Variants in COBL observed in about 807,000 individuals in gnomAD.
COBL encodes the protein cordon-bleu WH2 repeat protein.
A neutral mutation model predicts 98.8 loss-of-function variants in COBL; 51 were observed. That is an observed-to-expected ratio of 0.52 (90% CI 0.41 to 0.65). The LOEUF (loss-of-function observed/expected upper bound fraction) is 0.65, where lower values mean the gene tolerates loss of function less well. Among genes scored for constraint, COBL ranks in the 30% least tolerant of loss-of-function variants. The pLI is 0.00. For missense variants in COBL, 1,617 were observed against 1,617.5 expected (o/e 1.00, Z 0.01); for synonymous variants, 634 against 651.7 (o/e 0.97, Z 0.41).
chr7:51,137,274 G>A (rs79991462), intron 5 of COBL, among the ~76,000 whole-genome samples: 11,875 of 152,234 alleles, frequency 0.078, 557 homozygotes, highest in Admixed American at 0.15. Context: ...GACCTTAGAC[G>A]AGGTATTTTT....
At chr7:51,074,270 A>T (rs1180239734) in intron 7 of COBL, among the ~76,000 whole-genome samples, 1 of 134,110 alleles carries the variant, frequency 7.5e-6, no homozygotes, top group East Asian at 2.2e-4. Context: ...ATCTCGGCTC[A>T]CTGCAACCTC....
At chr7:51,095,631 C>T (rs1462366472) in intron 6 of COBL, among the ~76,000 whole-genome samples, 18 of 152,018 alleles carry the variant, frequency 1.2e-4, no homozygotes, top group Admixed American at 1.2e-3. Flanking sequence ...TCCAACTATA[C>T]ACTGTCTACA....
At chr7:51,188,579 G>T (rs899964908) in intron 4 of COBL, among the ~76,000 whole-genome samples, 2 of 152,218 alleles carry the variant, frequency 1.3e-5, no homozygotes, top group Non-Finnish European at 2.9e-5. Context: ...GGGGAAGCTC[G>T]TGGTGCCTTG....
chr7:51,311,617 A>T lies in COBL; in HGVS notation c.41+4976T>A, dbSNP rs1030888140. ...TGGAACCCTGAAAGAAAAGTGACGTAGGCTTCCCATCAATTCAGAAGCAGA... is the reference window on the plus strand; with the variant it reads ...TGGAACCCTGAAAGAAAAGTGACGTTGGCTTCCCATCAATTCAGAAGCAGA... On this transcript the variant is annotated intron_variant, in intron 1 of 12. Coordinates refer to ENST00000265136, the MANE Select transcript of COBL (RefSeq NM_015198.5). Among the ~76,000 whole-genome samples, 4 of 152,210 alleles carry T rather than the reference A, an allele frequency of 2.6e-5. 1 individual carries two copies. The highest frequency in any genetic ancestry group is 4.4e-5 in the Non-Finnish European group (3 of 68,046).
chr7:51,064,987 C>A (rs1176690684), intron 7 of COBL: 1 of 601,196 alleles, frequency 1.7e-6, no homozygotes, highest in Non-Finnish European at 3.0e-6. Flanking sequence ...AAACCAGGGA[C>A]AATATGGCAA....
At chr7:51,021,558 C>A (rs1289807632) in intron 12 of COBL, among the ~76,000 whole-genome samples, 2 of 152,108 alleles carry the variant, frequency 1.3e-5, no homozygotes, top group African/African-American at 4.8e-5. Flanking sequence ...AAACTCCTGG[C>A]CTCAAGCAAT....
intron 1 of COBL, among the ~76,000 whole-genome samples, chr7:51,300,756 G>A (rs894502704): frequency 1.3e-5 from 2 of 152,228 alleles, no homozygotes; most frequent in African/African-American, 2.4e-5. Context: ...GCCTGCCACC[G>A]CACTCACTTC....
At chr7:51,285,351 T>C (rs1800253171) in intron 1 of COBL, among the ~76,000 whole-genome samples, 1 of 147,020 alleles carries the variant, frequency 6.8e-6, no homozygotes, top group East Asian at 2.0e-4. Context: ...TTTCTAGACA[T>C]ACATAGCAAA....
intron 1 of COBL, among the ~76,000 whole-genome samples, chr7:51,222,600 G>GA (rs1793755269): frequency 6.6e-6 from 1 of 151,832 alleles, no homozygotes; most frequent in South Asian, 2.1e-4. Flanking sequence ...TTCAGAGATG[G>GA]AAAAAATCAA....
intron 1 of COBL, among the ~76,000 whole-genome samples, chr7:51,266,745 G>A (rs1798246058): frequency 6.6e-6 from 1 of 152,102 alleles, no homozygotes; most frequent in South Asian, 2.1e-4. Context: ...TACGACACAA[G>A]CACCCACACA....
rs764057362 is a variant in COBL at position 51,025,360 on chromosome 7, C to T, written c.3517G>A (p.Ala1173Thr). The T allele has an allele frequency of 2.5e-6, 4 of 1,613,290 alleles. No homozygotes were observed. Among genetic ancestry groups the T allele is most frequent in the Non-Finnish European group, 8.5e-7 (1 of 1,180,018 alleles). ...TCSLRKVASS[A>T]SEELQSFRDA... ...CGGAAGCTCTGGAGCTCCTCAGAAG[C>T]AGAGGATGCCACCTGGCAATGAGAT... Residue 1173 changes from alanine to threonine, a missense_variant, in exon 12 of 13, where the codon GCT becomes ACT. By Grantham distance (58) the Ala-to-Thr change is moderately conservative (BLOSUM62 0). Transcript: ENST00000265136.
At chr7:51,212,223 C>A (rs1279375273) in intron 2 of COBL, among the ~76,000 whole-genome samples, 1 of 152,040 alleles carries the variant, frequency 6.6e-6, no homozygotes, top group Admixed American at 6.5e-5. Flanking sequence ...GTACAGACTT[C>A]AAAAAATTTT....
chr7:51,080,431 CAGAAG>C (rs1793530325), intron 7 of COBL, among the ~76,000 whole-genome samples: 1 of 152,156 alleles, frequency 6.6e-6, no homozygotes, highest in Middle Eastern at 3.2e-3. Context: ...CCTGCAGTGG[CAGAAG>C]AGAAGTGCAG....
intron 5 of COBL, among the ~76,000 whole-genome samples, chr7:51,158,138 AAC>A (rs1400517239): frequency 1.3e-5 from 2 of 152,254 alleles, no homozygotes; most frequent in African/African-American, 4.8e-5. Context: ...AATGTAGCTA[AAC>A]ACACATTAAC....
chr7:51,161,228 C>T (rs1786771239), intron 5 of COBL, among the ~76,000 whole-genome samples: 1 of 152,300 alleles, frequency 6.6e-6, no homozygotes, highest in East Asian at 1.9e-4. Context: ...TGTGGCAGCA[C>T]AGCTCCACAC....
chr7:51,095,400 C>T (rs1220825353), intron 6 of COBL, among the ~76,000 whole-genome samples: 2 of 152,116 alleles, frequency 1.3e-5, no homozygotes, highest in Non-Finnish European at 2.9e-5. Flanking sequence ...ACAGCCAAAC[C>T]ATATTACTAT....
chr7:51,202,981 C>T (rs1791277426), intron 2 of COBL, among the ~76,000 whole-genome samples: 1 of 152,046 alleles, frequency 6.6e-6, no homozygotes, highest in Non-Finnish European at 1.5e-5. Context: ...GCAGAGCTTG[C>T]AGTGATCCGC....
intron 6 of COBL, among the ~76,000 whole-genome samples, chr7:51,133,479 G>A (rs994140083): frequency 4.6e-5 from 7 of 152,154 alleles, no homozygotes; most frequent in East Asian, 1.9e-4. Context: ...GGGGTTCACC[G>A]GAGCGGCAGC....
intron 1 of COBL, among the ~76,000 whole-genome samples, chr7:51,303,261 C>T (rs539347869): frequency 6.6e-6 from 1 of 152,174 alleles, no homozygotes; most frequent in Admixed American, 6.5e-5. Context: ...AGCCCATCAT[C>T]CAAAATCAAC....
Sources: allele counts gnomAD v4.1 joint callset (sites outside exome capture counted in the v4.1 genomes callset), GRCh38; gene constraint gnomAD v4.1.1; transcripts MANE v1.5; gene names NCBI Gene and HGNC (gene_info 2026-07-23, HGNC 2026-07-21).